Variants in PACRG observed in about 807,000 individuals in gnomAD.
The protein encoded by PACRG is parkin coregulated, also known as parkin coregulated gene protein.
In PACRG, 29 loss-of-function variants were observed where a neutral mutation model predicts 29.7. The observed-to-expected ratio is 0.98, with a 90% CI of 0.73 to 1.33. PACRG has a LOEUF of 1.33. Among genes scored for constraint, PACRG ranks in the 40% most tolerant of loss-of-function variants. PACRG has a pLI of 0.00. For synonymous variants in PACRG, 116 were observed against 118.7 expected, an observed-to-expected ratio of 0.98 and a Z score of 0.15; for missense variants, 279 against 316.2, an observed-to-expected ratio of 0.88 and a Z score of 0.89.
intron 4 of PACRG, among the ~76,000 whole-genome samples, chr6:163,177,885 G>C (rs946347955): frequency 2.0e-5 from 3 of 151,884 alleles, no homozygotes; most frequent in African/African-American, 7.2e-5. Context: ...CCCCAGGTGG[G>C]AACTGTGGCC....
chr6:162,975,074 C>T (rs1366309914), intron 2 of PACRG, among the ~76,000 whole-genome samples: 1 of 152,150 alleles, frequency 6.6e-6, no homozygotes. Flanking sequence ...TCAAGAGAAT[C>T]CCTGCAATAA....
rs554794190 is a variant in PACRG, at chr6:163,054,862, G to C, written c.292-7288G>C. Among the ~76,000 whole-genome samples the C allele has an allele frequency of 6.4e-4, 98 of 152,258 alleles. 1 individual carries two copies. Among genetic ancestry groups the C allele is most frequent in the African/African-American group, 2.3e-3 (95 of 41,566 alleles). ...CCTCCCAGTGGGCAGGAAAGATGGAGAGGGTGGACCTTCTCCAAGGACCGC... is the reference window on the plus strand; with the variant it reads ...CCTCCCAGTGGGCAGGAAAGATGGACAGGGTGGACCTTCTCCAAGGACCGC... On this transcript the variant is annotated intron_variant, in intron 2 of 4. Transcript: ENST00000366888.
chr6:162,930,736 T>A (rs1797791777), intron 2 of PACRG, among the ~76,000 whole-genome samples: 1 of 151,954 alleles, frequency 6.6e-6, no homozygotes, highest in Non-Finnish European at 1.5e-5. Flanking sequence ...CTTTCATATG[T>A]GGCCTTTGTT....
At chr6:162,740,875 A>T (rs568391221) in intron 1 of PACRG, among the ~76,000 whole-genome samples, 1 of 152,138 alleles carries the variant, frequency 6.6e-6, no homozygotes, top group African/African-American at 2.4e-5. Context: ...CTGGGATTAC[A>T]TGCATGAGCC....
At chr6:163,216,938 T>C (rs142985012) in intron 4 of PACRG, among the ~76,000 whole-genome samples, 118 of 152,338 alleles carry the variant, frequency 7.7e-4, no homozygotes, top group African/African-American at 2.7e-3. Flanking sequence ...CAATAATCCA[T>C]ATAAAAGCAA....
intron 4 of PACRG, among the ~76,000 whole-genome samples, chr6:163,191,243 T>A (rs148209451): frequency 8.9e-4 from 135 of 152,230 alleles, no homozygotes; most frequent in Middle Eastern, 6.8e-3. Flanking sequence ...ATTAAAAAAC[T>A]AACTTCACCA....
intron 4 of PACRG, chr6:163,166,176 C>G (rs772175142): frequency 4.4e-6 from 2 of 456,252 alleles, no homozygotes; most frequent in Non-Finnish European, 8.8e-6. Context: ...GTTTTGTGCT[C>G]GTTTCCTCTG....
chr6:163,157,057 C>T (rs1778352747), intron 4 of PACRG, among the ~76,000 whole-genome samples: 2 of 152,154 alleles, frequency 1.3e-5, no homozygotes, highest in South Asian at 2.1e-4. Flanking sequence ...TTCATCTTGG[C>T]GGTGGTGGGC....
At chr6:163,292,863 A>G (rs1784662735) in intron 4 of PACRG, among the ~76,000 whole-genome samples, 1 of 152,232 alleles carries the variant, frequency 6.6e-6, no homozygotes, top group Non-Finnish European at 1.5e-5. Flanking sequence ...ATTTCTTTAA[A>G]AAGATTTTCC....
At chr6:162,962,064 G>T (rs1800667319) in intron 2 of PACRG, among the ~76,000 whole-genome samples, 1 of 152,094 alleles carries the variant, frequency 6.6e-6, no homozygotes, top group South Asian at 2.1e-4. Context: ...ATGAAAACCA[G>T]CCTGCTCTTC....
At chr6:163,216,613 C>T (rs1476117362) in intron 4 of PACRG, among the ~76,000 whole-genome samples, 1 of 152,120 alleles carries the variant, frequency 6.6e-6, no homozygotes, top group South Asian at 2.1e-4. Flanking sequence ...CTTCACCCAG[C>T]CCTCAATAAA....
intron 3 of PACRG, among the ~76,000 whole-genome samples, chr6:163,085,506 C>A (rs1393051537): frequency 6.6e-6 from 1 of 152,158 alleles, no homozygotes; most frequent in Admixed American, 6.5e-5. Flanking sequence ...TCCAGCACTT[C>A]CAAACGATCC....
At chr6:163,004,821 G>A (rs764652567) in intron 2 of PACRG, among the ~76,000 whole-genome samples, 23 of 150,258 alleles carry the variant, frequency 1.5e-4, no homozygotes, top group Admixed American at 4.0e-4. Context: ...TTATTTGTTC[G>A]TTCATTCATT....
chr6:163,118,068 G>A (rs1816096392), intron 4 of PACRG, among the ~76,000 whole-genome samples: 1 of 152,310 alleles, frequency 6.6e-6, no homozygotes, highest in South Asian at 2.1e-4. Context: ...TTCATTATGT[G>A]GCATTATATA....
intron 1 of PACRG, among the ~76,000 whole-genome samples, chr6:162,754,601 G>T (rs1024517916): frequency 6.6e-6 from 1 of 151,624 alleles, no homozygotes; most frequent in Non-Finnish European, 1.5e-5. Flanking sequence ...ACCCTTTCAG[G>T]TCTTATAGTT....
At chr6:163,201,146 GA>G (rs34492004) in intron 4 of PACRG, among the ~76,000 whole-genome samples, 8 of 152,160 alleles carry the variant, frequency 5.3e-5, no homozygotes, top group Middle Eastern at 3.4e-3. Flanking sequence ...GAAACATAGG[GA>G]AAAAATATTT....
chr6:162,977,057 TTAAG>T (rs1802020975), intron 2 of PACRG, among the ~76,000 whole-genome samples: 1 of 152,060 alleles, frequency 6.6e-6, no homozygotes, highest in South Asian at 2.1e-4. Context: ...GAAATATTTG[TTAAG>T]TAAGAACAAA....
chr6:163,195,854 T>C (rs1473379076), intron 4 of PACRG, among the ~76,000 whole-genome samples: 3 of 152,192 alleles, frequency 2.0e-5, no homozygotes, highest in Non-Finnish European at 4.4e-5. Flanking sequence ...CGCCCGCCCC[T>C]GGGTGTCTCC....
chr6:163,014,126 G>A (rs77386064), intron 2 of PACRG, among the ~76,000 whole-genome samples: 5,409 of 152,124 alleles, frequency 0.036, 130 homozygotes, highest in Middle Eastern at 0.061. Context: ...CTGTTTGTGC[G>A]TGAATTCGCT....
Sources: gnomAD v4.1 joint callset for allele counts (sites outside exome capture counted in the v4.1 genomes callset) on GRCh38, gnomAD v4.1.1 for gene constraint, MANE v1.5 for transcripts, NCBI Gene and HGNC (gene_info 2026-07-23, HGNC 2026-07-21) for gene names.